Variants in NRXN3 observed in about 807,000 individuals in gnomAD.
NRXN3 encodes neurexin III.
NRXN3 carries 32 observed loss-of-function variants against 137.6 expected under a neutral mutation model. That is an observed-to-expected ratio of 0.23 (90% CI 0.18 to 0.31). The LOEUF is 0.31. NRXN3 is among the 10% of genes least tolerant of loss of function. The pLI is 1.00. For missense variants in NRXN3, 1,574 were observed against 2,062.5 expected, an observed-to-expected ratio of 0.76 and a Z score of 4.59; for synonymous variants, 798 against 784.5, an observed-to-expected ratio of 1.02 and a Z score of -0.29.
At chr14:79,269,081 G>A (rs1432285281) in intron 15 of NRXN3, among the ~76,000 whole-genome samples, 3 of 141,068 alleles carry the variant, frequency 2.1e-5, no homozygotes, top group African/African-American at 8.0e-5. Flanking sequence ...ACGGAGTCTC[G>A]CTCTGTCGCC....
At chr14:79,268,973 T>G (rs1009291780) in intron 15 of NRXN3, among the ~76,000 whole-genome samples, 1 of 152,240 alleles carries the variant, frequency 6.6e-6, no homozygotes, top group Admixed American at 6.5e-5. Context: ...TTTGATCCCT[T>G]GTTCTACCAT....
At chr14:79,355,137 G>A (rs2093372155) in intron 15 of NRXN3, among the ~76,000 whole-genome samples, 1 of 152,090 alleles carries the variant, frequency 6.6e-6, no homozygotes, top group African/African-American at 2.4e-5. Context: ...AGATTTGTTT[G>A]GTCTTAGTAC....
At chr14:79,001,701 G>T (rs918005399) in intron 15 of NRXN3, among the ~76,000 whole-genome samples, 3 of 152,186 alleles carry the variant, frequency 2.0e-5, no homozygotes, top group Non-Finnish European at 2.9e-5. Context: ...AGACACTCTG[G>T]CTTGGCATCT....
chr14:78,291,447 G>A (rs1223011174), intron 3 of NRXN3, among the ~76,000 whole-genome samples: 2 of 152,188 alleles, frequency 1.3e-5, no homozygotes, highest in African/African-American at 4.8e-5. Flanking sequence ...GCTAAGATGT[G>A]TATTTCAACT....
At chr14:78,317,577 G>C (rs2078858810) in intron 4 of NRXN3, among the ~76,000 whole-genome samples, 1 of 152,142 alleles carries the variant, frequency 6.6e-6, no homozygotes, top group African/African-American at 2.4e-5. Flanking sequence ...CCATGAAATT[G>C]GTCCCTAGTG....
chr14:78,636,754 C>T (rs1566944687), intron 4 of NRXN3, among the ~76,000 whole-genome samples: 1 of 152,134 alleles, frequency 6.6e-6, no homozygotes, highest in Non-Finnish European at 1.5e-5. Flanking sequence ...ATATACAGTA[C>T]ATTACATAAA....
At chr14:79,492,053 C>A (rs1314695391) in intron 16 of NRXN3, among the ~76,000 whole-genome samples, 4 of 152,132 alleles carry the variant, frequency 2.6e-5, no homozygotes, top group African/African-American at 9.7e-5. Context: ...AGTGCACATA[C>A]TGAACTAGAA....
intron 4 of NRXN3, among the ~76,000 whole-genome samples, chr14:78,356,473 A>C (rs1048167045): frequency 1.3e-5 from 2 of 152,208 alleles, no homozygotes; most frequent in African/African-American, 4.8e-5. Context: ...AGTGACTCCC[A>C]TACCCCTTTA....
chr14:78,626,331 A>G (rs2097458188), intron 4 of NRXN3, among the ~76,000 whole-genome samples: 7 of 152,232 alleles, frequency 4.6e-5, no homozygotes, highest in Admixed American at 4.6e-4. Context: ...TTTGTGTCAT[A>G]TTCAACAGGG....
intron 10 of NRXN3, among the ~76,000 whole-genome samples, chr14:78,907,073 A>C (rs2152764162): frequency 6.6e-6 from 1 of 152,194 alleles, no homozygotes; most frequent in Non-Finnish European, 1.5e-5. Flanking sequence ...ATAAAAGTAG[A>C]AGATATCTTT....
At chr14:79,752,911 A>G (rs1365099639) in intron 19 of NRXN3, among the ~76,000 whole-genome samples, 4 of 152,220 alleles carry the variant, frequency 2.6e-5, no homozygotes, top group African/African-American at 9.7e-5. Flanking sequence ...TGGGCAAAGG[A>G]TATGAACAGA....
intron 15 of NRXN3, among the ~76,000 whole-genome samples, chr14:79,169,082 G>T (rs1429046008): frequency 6.6e-6 from 1 of 152,032 alleles, no homozygotes; most frequent in African/African-American, 2.4e-5. Flanking sequence ...TAGACTGTGG[G>T]TTACAGATGC....
intron 16 of NRXN3, among the ~76,000 whole-genome samples, chr14:79,498,391 C>A (rs1013226879): frequency 6.6e-6 from 1 of 152,154 alleles, no homozygotes; most frequent in South Asian, 2.1e-4. Flanking sequence ...AGCCTTGACT[C>A]ACCTGAGCGG....
rs568737027 is a variant in NRXN3, at chr14:79,745,658, G to T, written c.4014+47721G>T. ...AGTTTCCTAGGGCTTCTGTAATTAAGTACCACACACTGAGTGCCTTAAAAC... is the reference window on the plus strand; with the variant it reads ...AGTTTCCTAGGGCTTCTGTAATTAATTACCACACACTGAGTGCCTTAAAAC... On this transcript the variant is annotated intron_variant, in intron 19 of 20. Coordinates refer to ENST00000335750, the MANE Select transcript of NRXN3 (RefSeq NM_001330195.2). 9.2e-5 allele frequency among the ~76,000 whole-genome samples: 14 copies of T among 152,166 alleles called. No individual in the cohort carries two copies. The East Asian group carries it at 2.5e-3, about 27-fold the overall frequency.
At chr14:79,425,094 C>T (rs1432379884) in intron 15 of NRXN3, among the ~76,000 whole-genome samples, 3 of 152,132 alleles carry the variant, frequency 2.0e-5, no homozygotes, top group Non-Finnish European at 2.9e-5. Flanking sequence ...ACATTTAAGT[C>T]ACATGTTCTT....
chr14:78,692,136 C>A (rs2098177053), intron 6 of NRXN3, among the ~76,000 whole-genome samples: 2 of 152,184 alleles, frequency 1.3e-5, no homozygotes, highest in Non-Finnish European at 2.9e-5. Context: ...TCTTAGGAAG[C>A]ATTAATGAAA....
chr14:79,472,606 G>A (rs2153625491), intron 16 of NRXN3, among the ~76,000 whole-genome samples: 1 of 152,254 alleles, frequency 6.6e-6, no homozygotes, highest in South Asian at 2.1e-4. Context: ...GTGTCTTAGG[G>A]TAGAGGAATT....
At chr14:78,639,245 A>G (rs2097593993) in intron 4 of NRXN3, among the ~76,000 whole-genome samples, 1 of 152,224 alleles carries the variant, frequency 6.6e-6, no homozygotes, top group Non-Finnish European at 1.5e-5. Context: ...CTTTGCATGA[A>G]TACAGACTAA....
chr14:78,700,953 G>A (rs1291782694), intron 6 of NRXN3, among the ~76,000 whole-genome samples: 1 of 152,062 alleles, frequency 6.6e-6, no homozygotes, highest in East Asian at 1.9e-4. Context: ...TGTACTTTTA[G>A]TAGGGACGGG....
Sources: gnomAD v4.1 joint callset for allele counts (sites outside exome capture counted in the v4.1 genomes callset) on GRCh38, gnomAD v4.1.1 for gene constraint, MANE v1.5 for transcripts, NCBI Gene and HGNC (gene_info 2026-07-23, HGNC 2026-07-21) for gene names.